TMTC2: variants seen among roughly 807,000 people sequenced by gnomAD.
TMTC2 encodes protein O-mannosyl-transferase TMTC2.
TMTC2 carries 43 observed loss-of-function variants against 82.4 expected under a neutral mutation model. The ratio of observed to expected loss-of-function variants is 0.52; its 90% CI spans 0.41 to 0.67. The LOEUF is 0.67. Ranked by LOEUF, TMTC2 falls within the 30% of genes least tolerant of loss-of-function variation. The pLI, the probability that TMTC2 is intolerant of heterozygous loss-of-function variation, is 0.00. For synonymous variants in TMTC2, 408 were observed against 381.9 expected, an observed-to-expected ratio of 1.07 and a Z score of -0.80; for missense variants, 919 against 1,012.4, an observed-to-expected ratio of 0.91 and a Z score of 1.25.
chr12:82,936,184 A>C (rs145072307), intron 4 of TMTC2, among the ~76,000 whole-genome samples: 2 of 152,104 alleles, frequency 1.3e-5, no homozygotes, highest in African/African-American at 4.8e-5. Flanking sequence ...AAGATGGGCA[A>C]TCTCAATCAA....
chr12:82,805,429 A>G (rs1204064705), intron 1 of TMTC2, among the ~76,000 whole-genome samples: 1 of 151,508 alleles, frequency 6.6e-6, no homozygotes, highest in African/African-American at 2.4e-5. Context: ...AGATGGGAGG[A>G]AAGTCTTTGA....
intron 11 of TMTC2, among the ~76,000 whole-genome samples, chr12:83,075,135 AGACT>A: frequency 6.6e-6 from 1 of 152,178 alleles, no homozygotes; most frequent in Non-Finnish European, 1.5e-5. Flanking sequence ...TCCCTCAAAC[AGACT>A]TTCAGCTTCT....
intron 1 of TMTC2, among the ~76,000 whole-genome samples, chr12:82,839,513 G>A (rs1375427405): frequency 1.3e-5 from 2 of 152,118 alleles, no homozygotes; most frequent in Non-Finnish European, 2.9e-5. Flanking sequence ...CAAGTATTAT[G>A]TTGACCTTTA....
At chr12:82,828,296 C>G (rs1220290716) in intron 1 of TMTC2, among the ~76,000 whole-genome samples, 1 of 150,796 alleles carries the variant, frequency 6.6e-6, no homozygotes, top group Non-Finnish European at 1.5e-5. Context: ...TCACTGCAAC[C>G]TCTGCCTCCT....
intron 11 of TMTC2, among the ~76,000 whole-genome samples, chr12:83,090,307 A>G (rs1883800183): frequency 6.6e-6 from 1 of 152,242 alleles, no homozygotes; most frequent in African/African-American, 2.4e-5. Flanking sequence ...ATGAAATATA[A>G]TCACCACAGT....
intron 4 of TMTC2, among the ~76,000 whole-genome samples, chr12:82,942,640 T>G (rs1048592526): frequency 6.6e-6 from 1 of 152,206 alleles, no homozygotes; most frequent in African/African-American, 2.4e-5. Flanking sequence ...ATTTTAACAT[T>G]AAATTATCCA....
chr12:82,698,297 C>T (rs971108041), intron 1 of TMTC2, among the ~76,000 whole-genome samples: 3 of 152,152 alleles, frequency 2.0e-5, no homozygotes, highest in African/African-American at 4.8e-5. Flanking sequence ...CAGTTTTAGT[C>T]TTGGAATACC....
At chr12:82,801,807 G>C (rs867529976) in intron 1 of TMTC2, among the ~76,000 whole-genome samples, 1 of 152,154 alleles carries the variant, frequency 6.6e-6, no homozygotes, top group Non-Finnish European at 1.5e-5. Context: ...TAGATACGGA[G>C]TGTCGATTGG....
chr12:83,122,050 C>G (rs573880909), intron 11 of TMTC2, among the ~76,000 whole-genome samples: 1 of 148,044 alleles, frequency 6.8e-6, no homozygotes, highest in Admixed American at 6.7e-5. Flanking sequence ...GGCCAGCAGG[C>G]CTGAGAACTT....
chr12:82,806,892 T>C (rs1879270622), intron 1 of TMTC2, among the ~76,000 whole-genome samples: 1 of 152,086 alleles, frequency 6.6e-6, no homozygotes, highest in South Asian at 2.1e-4. Context: ...CGTTTGTTGT[T>C]CAGGGTCAGC....
intron 11 of TMTC2, among the ~76,000 whole-genome samples, chr12:83,125,194 G>C (rs540526422): frequency 6.6e-6 from 1 of 152,152 alleles, no homozygotes; most frequent in African/African-American, 2.4e-5. Flanking sequence ...CTACTGTCTG[G>C]CTGCCCAGAT....
chr12:82,880,042 C>T (rs1033341179), intron 2 of TMTC2, among the ~76,000 whole-genome samples: 9 of 152,136 alleles, frequency 5.9e-5, no homozygotes, highest in Admixed American at 1.3e-4. Context: ...AAAAATATAA[C>T]GGAACTTAAT....
At chr12:82,936,913 A>G (rs571146733) in intron 4 of TMTC2, among the ~76,000 whole-genome samples, 1 of 152,176 alleles carries the variant, frequency 6.6e-6, no homozygotes, top group Admixed American at 6.5e-5. Flanking sequence ...TATGAAATCC[A>G]TATCAGAGTA....
chr12:82,718,176 C>T (rs777685265), intron 1 of TMTC2, among the ~76,000 whole-genome samples: 8 of 152,072 alleles, frequency 5.3e-5, no homozygotes, highest in Non-Finnish European at 1.2e-4. Context: ...TTAAGGAACA[C>T]AGAATTAGGC....
At chr12:83,041,124 A>G (rs1268423555) in intron 9 of TMTC2, among the ~76,000 whole-genome samples, 2 of 152,214 alleles carry the variant, frequency 1.3e-5, no homozygotes, top group Non-Finnish European at 2.9e-5. Context: ...GTTTATAACT[A>G]GGTCATGCTT....
chr12:82,911,147 T>C (rs535794479), intron 3 of TMTC2, among the ~76,000 whole-genome samples: 3 of 152,100 alleles, frequency 2.0e-5, no homozygotes, highest in Non-Finnish European at 4.4e-5. Flanking sequence ...CCCAAAGTGT[T>C]GGGATTGCAG....
intron 1 of TMTC2, among the ~76,000 whole-genome samples, chr12:82,821,167 G>A (rs1869088967): frequency 1.3e-5 from 2 of 152,080 alleles, no homozygotes; most frequent in Admixed American, 1.3e-4. Context: ...CCAATTCTAG[G>A]TTTTTATGAT....
intron 10 of TMTC2, 96 bp downstream of exon 10, chr12:83,051,114 A>G (rs553541270): frequency 1.3e-6 from 1 of 770,806 alleles, no homozygotes; most frequent in African/African-American, 1.8e-5. Context: ...CACATTCTCA[A>G]TGTGAGTCAA....
chr12:83,005,231 A>G (rs1284459256), intron 8 of TMTC2, among the ~76,000 whole-genome samples: 3 of 139,050 alleles, frequency 2.2e-5, no homozygotes, highest in Non-Finnish European at 3.1e-5. Context: ...AAAAGGGGAG[A>G]GAGAGAAAAG....
Sources: allele counts gnomAD v4.1 joint callset (sites outside exome capture counted in the v4.1 genomes callset), GRCh38; gene constraint gnomAD v4.1.1; transcripts MANE v1.5; gene names NCBI Gene and HGNC (gene_info 2026-07-23, HGNC 2026-07-21).